The following PDGFRB variants were observed in gnomAD, a reference collection of about 807,000 sequenced individuals.
PDGFRB encodes the protein platelet-derived growth factor receptor beta.
PDGFRB carries 42 observed loss-of-function variants against 120.2 expected under a neutral mutation model. The observed-to-expected ratio is 0.35, with a 90% CI of 0.27 to 0.45. PDGFRB has a LOEUF of 0.45. Among genes scored for constraint, PDGFRB ranks in the 20% least tolerant of loss-of-function variants. PDGFRB has a pLI of 1.00. For missense variants in PDGFRB, 1,149 were observed against 1,476.3 expected (o/e 0.78, Z 3.63); for synonymous variants, 586 against 606.8 (o/e 0.97, Z 0.50).
At chr5:150,117,409 A>T (rs1759970002) in intron 22 of PDGFRB, among the ~76,000 whole-genome samples, 1 of 152,290 alleles carries the variant, frequency 6.6e-6, no homozygotes, top group African/African-American at 2.4e-5. Flanking sequence ...TTTTGTTTTT[A>T]CTAGCCTGCC....
Position 150,134,834 on chromosome 5 carries a change from A to G in PDGFRB, c.547T>C (p.Phe183Leu), listed in dbSNP as rs1760576074. 1 of 1,614,080 alleles carries G rather than the reference A, an allele frequency of 6.2e-7. No individual in the cohort carries two copies. Among genetic ancestry groups the G allele is most frequent in the African/African-American group, 1.3e-5 (1 of 74,936 alleles). Residue 183 changes from phenylalanine (F) to leucine (L), a missense_variant, in exon 4 of 23, where the codon TTT becomes CTT. This residue lies in a region of PDGFRB where 879 missense variants were observed against 1,108.6 expected (regional missense o/e 0.79). Coordinates refer to ENST00000261799, the MANE Select transcript of PDGFRB (RefSeq NM_002609.4). ...YDHQRGFSGI[F>L]EDRSYICKTT... ...TTGCAGATGTAGCTTCTGTCCTCAAAGATACCAGAAAAGCCACGTTGGTGA... is the reference window on the plus strand; with the variant it reads ...TTGCAGATGTAGCTTCTGTCCTCAAGGATACCAGAAAAGCCACGTTGGTGA...
At chr5:150,130,076 C>A in intron 9 of PDGFRB, 108 bp from the exon 10 acceptor site, 2 of 870,582 alleles carry the variant, frequency 2.3e-6, no homozygotes, top group East Asian at 2.5e-5. Context: ...TCCTATGTCC[C>A]ACTGCCTGTT....
chr5:150,122,324 C>T, intron 15 of PDGFRB: 1 of 378,314 alleles, frequency 2.6e-6, no homozygotes, highest in Non-Finnish European at 4.9e-6. Context: ...TCAGAGGCGC[C>T]TTCCTGTGGC....
At chr5:150,155,188 A>G (rs1562037980) in intron 1 of PDGFRB, among the ~76,000 whole-genome samples, 1 of 151,760 alleles carries the variant, frequency 6.6e-6, no homozygotes, top group Non-Finnish European at 1.5e-5. Context: ...GATGAGGTGG[A>G]GGCCACTCAC....
At chr5:150,141,516 C>T (rs998747556) in intron 1 of PDGFRB, among the ~76,000 whole-genome samples, 3 of 152,172 alleles carry the variant, frequency 2.0e-5, no homozygotes, top group Non-Finnish European at 4.4e-5. Context: ...AGGGGTAGAG[C>T]AGAGATTAAA....
chr5:150,129,706 G>A, intron 10 of PDGFRB, 51 bp downstream of exon 10: 2 of 1,475,416 alleles, frequency 1.4e-6, no homozygotes, highest in Non-Finnish European at 1.9e-6. Flanking sequence ...AATTAGGCAG[G>A]ATTAAGGTAG....
chr5:150,152,679 G>A (rs1761108940), intron 1 of PDGFRB, among the ~76,000 whole-genome samples: 1 of 152,200 alleles, frequency 6.6e-6, no homozygotes, highest in African/African-American at 2.4e-5. Flanking sequence ...TGTGGCCTGT[G>A]CCTGGAGGAT....
At position 150,120,257 on chromosome 5, in the gene PDGFRB, G is replaced by A. The variant is rs1041106091; in HGVS notation, c.2587-134C>T. On this transcript the variant is annotated intron_variant, in intron 18 of 22. Transcript: ENST00000261799. The surrounding 1 kb of genome is among the most constrained non-coding windows in gnomAD (Gnocchi z 4.3). ...CGTCCCATTCCCTGTGAGGGCCCTGGTCTCTGCGCAGCACAGTTCCCATGT... is the reference window on the plus strand; with the variant it reads ...CGTCCCATTCCCTGTGAGGGCCCTGATCTCTGCGCAGCACAGTTCCCATGT... The A allele has an allele frequency of 1.9e-5, 12 of 639,446 alleles. No individual in the cohort carries two copies. In the South Asian group the frequency reaches 2.1e-4, roughly 11 times the overall value. The allele number at this position is 639,446 out of a possible 1,614,324, so 39.6% of individuals were successfully genotyped here.
intron 9 of PDGFRB, 110 bp from the exon 10 acceptor site, chr5:150,130,078 C>CT (rs1760418876): frequency 1.2e-6 from 1 of 854,826 alleles, no homozygotes; most frequent in Non-Finnish European, 1.9e-6. Context: ...CTATGTCCCA[C>CT]TGCCTGTTTC....
At chr5:150,128,252 G>T (rs186168392) in intron 10 of PDGFRB, among the ~76,000 whole-genome samples, 1 of 152,328 alleles carries the variant, frequency 6.6e-6, no homozygotes, top group East Asian at 1.9e-4. Context: ...TTCCACTCAG[G>T]CTGTCCACAC....
At chr5:150,140,112 A>T (rs561179980) in intron 1 of PDGFRB, among the ~76,000 whole-genome samples, 10 of 152,216 alleles carry the variant, frequency 6.6e-5, no homozygotes, top group Middle Eastern at 3.4e-3. Flanking sequence ...GGGAGGGCAG[A>T]GAAGGGCTTA....
At chr5:150,122,307 G>A (rs147090331) in intron 15 of PDGFRB, 173 of 438,888 alleles carry the variant, frequency 3.9e-4, no homozygotes, top group African/African-American at 3.1e-3. Context: ...TCACAAGACG[G>A]GTGTGTTCAG....
In PDGFRB at chr5:150,121,284, A is replaced by C. The variant is rs1760126027; in HGVS notation, c.2383T>G (p.Ser795Ala). Residue 795 changes from serine (S) to alanine (A), a missense_variant, in exon 17 of 23, where the codon TCT becomes GCT. Around this residue, in one of 3 missense-constraint regions of PDGFRB, gnomAD observed 879 missense variants for 1,108.6 expected, o/e 0.79. Transcript: ENST00000261799. This position sits in a 1 kb window ranked among gnomAD's most constrained non-coding sequence, Gnocchi z 4.1. ...RTCRATLINE[S>A]PVLSYMDLVG... ...AGGTCCATGTAGCTTAGCACTGGAG[A>C]CTCGTTGATCAAAGTTGCTCGGCAG... is the stretch of plus-strand genomic sequence containing the variant. The C allele has an allele frequency of 6.2e-7, 1 of 1,604,996 alleles. No homozygotes were observed. The highest frequency in any genetic ancestry group is 8.5e-7 in the Non-Finnish European group (1 of 1,172,018).
intron 14 of PDGFRB, 116 bp from the exon 15 acceptor site, chr5:150,123,317 G>T (rs1760201695): frequency 1.3e-6 from 1 of 748,472 alleles, no homozygotes; most frequent in African/African-American, 1.7e-5. Context: ...ACGGCTAGGA[G>T]GCTTTAGTGC....
At position 150,155,616 on chromosome 5, in the gene PDGFRB, G is replaced by A. The variant is rs1277114317; in HGVS notation, c.-226C>T. ...GGGGGCTGCTGTAGGGGAGAGGAGC[G>A]GCCCAGCTTCGCCTCACTCCCCAAG... is the stretch of plus-strand genomic sequence containing the variant. On this transcript the variant is annotated 5_prime_UTR_variant, in exon 1 of 23. Transcript: ENST00000261799. The A allele has an allele frequency of 3.3e-5, 13 of 398,684 alleles. No homozygotes were observed. The highest frequency in any genetic ancestry group is 4.4e-5 in the Admixed American group (1 of 22,718). The allele number at this position is 398,684 out of a possible 1,614,324, so 24.7% of individuals were successfully genotyped here. A position where few individuals can be genotyped will look rare whatever the true frequency, so the allele number is the denominator to read the frequency against.
chr5:150,117,532 GCGCGCGCGCGCGCA>G (rs1280475030), intron 22 of PDGFRB, 72 bp downstream of exon 22: 4 of 618,820 alleles, frequency 6.5e-6, no homozygotes, highest in African/African-American at 6.6e-5. Context: ...CTGGCAGCGC[GCGCGCGCGCGCGCA>G]CACACACACA....
At chr5:150,130,500 G>T in intron 9 of PDGFRB, 39 bp downstream of exon 9, 1 of 1,600,730 alleles carries the variant, frequency 6.2e-7, no homozygotes, top group Non-Finnish European at 8.5e-7. Context: ...TTTCTAGCCA[G>T]CTGGGGACAC....
rs200535821 is a variant in PDGFRB at position 150,135,015 on chromosome 5, A to G, written c.366T>C (p.Asp122=). Residue 122 remains aspartate (D), a splice_region_variant and synonymous_variant, in exon 4 of 23, where the codon GAT becomes GAC. Transcript: ENST00000261799. ...ERKRLYIFVP[D]PTVGFLPNDA... is the part of the protein sequence containing the mutation. ...CATTAGGGAGGAAGCCCACGGTGGG[A>G]TCTGCCAGGAGTGGAGCCGTGAATA... 18 of 1,530,806 alleles carry G rather than the reference A, an allele frequency of 1.2e-5. 1 individual carries two copies. The highest frequency in any genetic ancestry group is 1.4e-5 in the Non-Finnish European group (16 of 1,110,110). The allele number at this position is 1,530,806 out of a possible 1,614,324, so 94.8% of individuals were successfully genotyped here.
chr5:150,118,882 T>A (rs781683736), intron 20 of PDGFRB, 30 bp from the exon 21 acceptor site: 1 of 1,403,374 alleles, frequency 7.1e-7, no homozygotes, highest in Admixed American at 1.8e-5. Context: ...TCAGGGCCTC[T>A]GGCCCAGGGT....
Sources: gnomAD v4.1 joint callset for allele counts (sites outside exome capture counted in the v4.1 genomes callset) on GRCh38, gnomAD v4.1.1 for gene constraint, gnomAD v4.1.1 regional missense constraint, Gnocchi (gnomAD v3.1) non-coding constraint, MANE v1.5 for transcripts, NCBI Gene and HGNC (gene_info 2026-07-23, HGNC 2026-07-21) for gene names.